The following IL17RD variants were observed in gnomAD, a reference collection of about 807,000 sequenced individuals.
The protein encoded by IL17RD is interleukin-17 receptor D.
IL17RD carries 52 observed loss-of-function variants against 80.5 expected under a neutral mutation model. The observed-to-expected ratio is 0.65, with a 90% CI of 0.52 to 0.81. The LOEUF is 0.81. Ranked by LOEUF, IL17RD falls within the 40% of genes least tolerant of loss-of-function variation. IL17RD has a pLI of 0.00. For synonymous variants in IL17RD, 416 were observed against 391.8 expected, an observed-to-expected ratio of 1.06 and a Z score of -0.73; for missense variants, 1,024 against 955.1, an observed-to-expected ratio of 1.07 and a Z score of -0.95.
At chr3:57,141,750 T>C (rs9850347) in intron 1 of IL17RD, among the ~76,000 whole-genome samples, 2,552 of 152,292 alleles carry the variant, frequency 0.017, 73 homozygotes, top group African/African-American at 0.057. Context: ...AACATCCTAA[T>C]AAGACTGGTA....
Position 57,145,823 on chromosome 3 carries a change from G to A in IL17RD, c.126+19338C>T, listed in dbSNP as rs75317088. 8.6e-3 allele frequency among the ~76,000 whole-genome samples: 1,312 copies of A among 152,308 alleles called. 18 individuals carry two copies. Among genetic ancestry groups the A allele is most frequent in the African/African-American group, 0.03 (1,241 of 41,564 alleles). ...GACAGCCTTATGGGTCACCTGCCCTGTCCATAGTCACAAGCAGTCAGCCTG... is the reference window on the plus strand; with the variant it reads ...GACAGCCTTATGGGTCACCTGCCCTATCCATAGTCACAAGCAGTCAGCCTG... On this transcript the variant is annotated intron_variant, in intron 1 of 12. Coordinates refer to ENST00000296318, the MANE Select transcript of IL17RD (RefSeq NM_017563.5).
chr3:57,098,098 C>A lies in IL17RD; in HGVS notation c.1605G>T (p.Arg535=). ...TRQGSRRNYF[R]SKSGRSLYVA... ...CGTATAGGGACCGGCCTGACTTGCTCCGGAAGTAGTTCCTTCTGCTGCCCT... is the reference window on the plus strand; with the variant it reads ...CGTATAGGGACCGGCCTGACTTGCTACGGAAGTAGTTCCTTCTGCTGCCCT... Residue 535 remains arginine (R), a synonymous_variant, in exon 12 of 13, where the codon CGG becomes CGT. Coordinates refer to ENST00000296318, the MANE Select transcript of IL17RD (RefSeq NM_017563.5). 1 of 1,613,996 alleles carries A rather than the reference C, an allele frequency of 6.2e-7. No homozygotes were observed. The highest frequency in any genetic ancestry group is 1.6e-4 in the Middle Eastern group (1 of 6,062).
chr3:57,167,049 T>A (rs2060351523), upstream of IL17RD, among the ~76,000 whole-genome samples: 1 of 151,930 alleles, frequency 6.6e-6, no homozygotes, highest in Non-Finnish European at 1.5e-5. Context: ...AACCAAGGAG[T>A]AGAGCCAGCC....
intron 8 of IL17RD, among the ~76,000 whole-genome samples, chr3:57,103,350 A>C (rs1485030802): frequency 2.0e-5 from 3 of 152,132 alleles, no homozygotes; most frequent in Admixed American, 6.5e-5. Flanking sequence ...TGCTTTACCA[A>C]CTCGAAACTC....
At chr3:57,148,145 C>T (rs1181309228) in intron 1 of IL17RD, among the ~76,000 whole-genome samples, 14 of 127,032 alleles carry the variant, frequency 1.1e-4, no homozygotes, top group African/African-American at 4.2e-4. Flanking sequence ...CTGACCAACA[C>T]AGTGAAACCC....
chr3:57,104,498 CCA>C, intron 7 of IL17RD, 91 bp from the exon 8 acceptor site: 1 of 797,044 alleles, frequency 1.3e-6, no homozygotes, highest in Non-Finnish European at 2.1e-6. Flanking sequence ...AGGAGACTTG[CCA>C]CCAGTCTCAA....
At chr3:57,108,688 G>C (rs983879945) in intron 5 of IL17RD, among the ~76,000 whole-genome samples, 1 of 151,476 alleles carries the variant, frequency 6.6e-6, no homozygotes, top group African/African-American at 2.4e-5. Flanking sequence ...GCTAATTTTT[G>C]TATTTTTAGT....
At chr3:57,167,320 C>T (rs966290820), upstream of IL17RD, among the ~76,000 whole-genome samples, 1 of 152,112 alleles carries the variant, frequency 6.6e-6, no homozygotes, top group African/African-American at 2.4e-5. Context: ...CTGGAGTAGC[C>T]TTCTGTGAAT....
In IL17RD at chr3:57,109,651, C is replaced by T; in HGVS notation, c.436G>A (p.Glu146Lys). ...LNSSFKRTGM[E>K]SQPFLNMKFE... ...TTCATATTCAGGAAAGGTTGAGATT[C>T]CATTCCCTAAAAGGGAACAAAAACA... Residue 146 changes from glutamate to lysine, a missense_variant, in exon 5 of 13, where the codon GAA (glutamate) becomes AAA (lysine). Physicochemically the swap from Glu to Lys is moderately conservative, Grantham distance 56. Transcript: ENST00000296318. 6.2e-7 allele frequency: 1 copy of T among 1,612,988 alleles called. No homozygotes were observed.
chr3:57,115,542 A>G (rs1036552821), intron 2 of IL17RD, among the ~76,000 whole-genome samples: 3 of 152,330 alleles, frequency 2.0e-5, no homozygotes, highest in African/African-American at 7.2e-5. Flanking sequence ...TAGCCATAGC[A>G]GCTGCACCAC....
At position 57,095,553 on chromosome 3, in the gene IL17RD, G is replaced by A. The variant is rs965615193; in HGVS notation, c.*840C>T. The A allele has an allele frequency of 6.6e-5, 10 of 152,226 alleles. No homozygotes were observed. The highest frequency in any genetic ancestry group is 2.4e-4 in the African/African-American group (10 of 41,444). 9.4% of individuals were successfully genotyped at this position (152,226 alleles called of 1,614,324 possible). A position where few individuals can be genotyped will look rare whatever the true frequency, so the allele number is the denominator to read the frequency against. On this transcript the variant is annotated 3_prime_UTR_variant, in exon 13 of 13. Transcript: ENST00000296318. ...TCCAATAATACAGACCAGCTGGGTAGCAGTCTCTTAAGAATAAACTTCCAG... is the reference window on the plus strand; with the variant it reads ...TCCAATAATACAGACCAGCTGGGTAACAGTCTCTTAAGAATAAACTTCCAG...
chr3:57,157,935 T>C (rs1020925779), intron 1 of IL17RD, among the ~76,000 whole-genome samples: 1 of 152,112 alleles, frequency 6.6e-6, no homozygotes, highest in African/African-American at 2.4e-5. Flanking sequence ...GGGGAAAAGA[T>C]CTACAAAAAT....
At chr3:57,147,396 C>T (rs1330334983) in intron 1 of IL17RD, among the ~76,000 whole-genome samples, 2 of 152,174 alleles carry the variant, frequency 1.3e-5, no homozygotes, top group Admixed American at 6.5e-5. Flanking sequence ...AGCTGGGATT[C>T]GTGAAACAAA....
intron 11 of IL17RD, among the ~76,000 whole-genome samples, chr3:57,099,267 A>G (rs993225309): frequency 2.0e-5 from 3 of 152,220 alleles, no homozygotes; most frequent in Admixed American, 6.5e-5. Context: ...ACAAGGCTAC[A>G]TCTCTACAAG....
rs571640100 is a variant in IL17RD, at chr3:57,149,083, G to A, written c.126+16078C>T. 3.5e-4 allele frequency among the ~76,000 whole-genome samples: 53 copies of A among 152,212 alleles called. No individual in the cohort carries two copies. In the South Asian group the frequency reaches 7.7e-3, roughly 22 times the overall value. ...TCCTAGCACTTTGGGAGGCCAAGGC[G>A]GGCCGATCATCTGAGGTCAGGAGTT... On this transcript the variant is annotated intron_variant, in intron 1 of 12. Transcript: ENST00000296318.
chr3:57,099,839 G>C (rs1479975984), intron 11 of IL17RD, among the ~76,000 whole-genome samples: 1 of 152,126 alleles, frequency 6.6e-6, no homozygotes, highest in Non-Finnish European at 1.5e-5. Flanking sequence ...GGATCATGTA[G>C]CTATTTAAAA....
In IL17RD at chr3:57,090,070, CAG is replaced by C. The variant is rs1473345745; in HGVS notation, c.*6321_*6322del. 6.6e-5 allele frequency: 10 copies of C among 152,622 alleles called. No individual in the cohort carries two copies. The highest frequency in any genetic ancestry group is 1.5e-4 in the Non-Finnish European group (10 of 68,036). The allele number at this position is 152,622 out of a possible 1,614,324, so 9.5% of individuals were successfully genotyped here. A position where few individuals can be genotyped will look rare whatever the true frequency, so the allele number is the denominator to read the frequency against. On this transcript the variant is annotated 3_prime_UTR_variant, in exon 13 of 13. Coordinates refer to ENST00000296318, the MANE Select transcript of IL17RD (RefSeq NM_017563.5). ...GCTGTGATCTACTTTCACCTAGTTA[CAG>C]AGTTATGTACAAATCAAGTCATTAA...
At chr3:57,120,624 C>G (rs552371991) in intron 1 of IL17RD, among the ~76,000 whole-genome samples, 7 of 152,256 alleles carry the variant, frequency 4.6e-5, no homozygotes, top group Non-Finnish European at 1.0e-4. Context: ...GGAGAGAGAC[C>G]AAGAGCTGCC....
At chr3:57,131,055 G>C (rs138786129) in intron 1 of IL17RD, among the ~76,000 whole-genome samples, 2 of 152,272 alleles carry the variant, frequency 1.3e-5, no homozygotes, top group South Asian at 2.1e-4. Flanking sequence ...GGCAATCACC[G>C]GCTGACCGGG....
Sources: allele counts gnomAD v4.1 joint callset (sites outside exome capture counted in the v4.1 genomes callset), GRCh38; gene constraint gnomAD v4.1.1; transcripts MANE v1.5; gene names NCBI Gene and HGNC (gene_info 2026-07-23, HGNC 2026-07-21).